POU6F2: variants seen among roughly 807,000 people sequenced by gnomAD.
POU6F2 encodes POU domain, class 6, transcription factor 2.
In POU6F2, 31 loss-of-function variants were observed where a neutral mutation model predicts 71.3. The ratio of observed to expected loss-of-function variants is 0.43; its 90% confidence interval spans 0.33 to 0.59. The LOEUF (loss-of-function observed/expected upper bound fraction) is 0.59. Among genes scored for constraint, POU6F2 ranks in the 20% least tolerant of loss-of-function variants. POU6F2 has a pLI of 0.04. For missense variants in POU6F2, 783 were observed against 856.8 expected (o/e 0.91, Z 1.07); for synonymous variants, 347 against 355.7 (o/e 0.98, Z 0.27).
intron 5 of POU6F2, among the ~76,000 whole-genome samples, chr7:39,342,483 AC>A (rs1438254754): frequency 6.6e-6 from 1 of 152,176 alleles, no homozygotes; most frequent in East Asian, 1.9e-4. Flanking sequence ...TTATTTTACA[AC>A]CCTTTATTTT....
intron 2 of POU6F2, among the ~76,000 whole-genome samples, chr7:39,179,664 G>A (rs1436067156): frequency 6.6e-6 from 1 of 152,186 alleles, no homozygotes; most frequent in African/African-American, 2.4e-5. Context: ...AGTTGCCGCC[G>A]GCTCATAGAC....
intron 4 of POU6F2, among the ~76,000 whole-genome samples, chr7:39,224,281 G>A (rs1163822739): frequency 6.6e-6 from 1 of 151,508 alleles, no homozygotes; most frequent in Non-Finnish European, 1.5e-5. Flanking sequence ...AAAGTTGTGT[G>A]TTTCCTAGGT....
chr7:39,226,857 A>G (rs910629400), intron 4 of POU6F2, among the ~76,000 whole-genome samples: 8 of 152,204 alleles, frequency 5.3e-5, no homozygotes, highest in African/African-American at 1.4e-4. Flanking sequence ...TTCAATAGTA[A>G]TGAGCTGATG....
rs532795545 is a variant in POU6F2 at position 39,072,544 on chromosome 7, G to A, written c.106-13316G>A. On this transcript the variant is annotated intron_variant, in intron 1 of 9. Transcript: ENST00000518318. ...AGGTGTCTTACTGACTTGTTAAAAT[G>A]GGTCTGATTTTCCCCTTGACAACAC... Among the ~76,000 whole-genome samples, 91 of 152,282 alleles carry A rather than the reference G, an allele frequency of 6.0e-4. No homozygotes were observed. The Middle Eastern group carries it at 0.01, about 17-fold the overall frequency.
At chr7:39,148,520 G>C (rs1027337800) in intron 2 of POU6F2, among the ~76,000 whole-genome samples, 2 of 151,608 alleles carry the variant, frequency 1.3e-5, no homozygotes, top group Non-Finnish European at 2.9e-5. Flanking sequence ...TGATGATAAT[G>C]ATGTTGATGA....
At chr7:39,287,491 T>C (rs1459602484) in intron 4 of POU6F2, among the ~76,000 whole-genome samples, 1 of 152,222 alleles carries the variant, frequency 6.6e-6, no homozygotes, top group Non-Finnish European at 1.5e-5. Context: ...GGGAAAGTCA[T>C]AGTCTACCAA....
intron 2 of POU6F2, among the ~76,000 whole-genome samples, chr7:39,194,349 G>A (rs961571814): frequency 6.6e-6 from 1 of 152,220 alleles, no homozygotes; most frequent in African/African-American, 2.4e-5. Flanking sequence ...TGGGAGAAGG[G>A]CATTAAAAAT....
At chr7:39,079,337 C>G (rs1399390699) in intron 1 of POU6F2, among the ~76,000 whole-genome samples, 1 of 151,730 alleles carries the variant, frequency 6.6e-6, no homozygotes, top group Non-Finnish European at 1.5e-5. Flanking sequence ...TACAGGCGCC[C>G]GCAACCACGC....
rs967508272 is a variant in POU6F2 at position 39,466,693 on chromosome 7, A to T, written c.*2007A>T. ...GTATAATTGTCCCCTCCAATGATTCATGCAGCAATCAAGAGACTACCAGCA... is the reference window on the plus strand; with the variant it reads ...GTATAATTGTCCCCTCCAATGATTCTTGCAGCAATCAAGAGACTACCAGCA... On this transcript the variant is annotated 3_prime_UTR_variant, in exon 10 of 10. Transcript: ENST00000518318. 1 of 152,216 alleles carries T rather than the reference A, an allele frequency of 6.6e-6. No homozygotes were observed. The highest frequency in any genetic ancestry group is 2.4e-5 in the African/African-American group (1 of 41,448). 9.4% of individuals were successfully genotyped at this position (152,216 alleles called of 1,614,324 possible). A position where few individuals can be genotyped will look rare whatever the true frequency, so the allele number is the denominator to read the frequency against.
chr7:39,048,209 T>C (rs754983851), intron 1 of POU6F2, among the ~76,000 whole-genome samples: 15 of 151,984 alleles, frequency 9.9e-5, no homozygotes, highest in Non-Finnish European at 1.9e-4. Context: ...TCTCTCTTTT[T>C]TTAAGCTTTT....
chr7:39,461,145 C>A (rs1583622669), intron 9 of POU6F2, among the ~76,000 whole-genome samples: 1 of 152,086 alleles, frequency 6.6e-6, no homozygotes, highest in African/African-American at 2.4e-5. Context: ...AGAAAACACA[C>A]ATTTTAAAAA....
chr7:39,371,177 G>A (rs1047886401), intron 5 of POU6F2, among the ~76,000 whole-genome samples: 3 of 151,800 alleles, frequency 2.0e-5, no homozygotes, highest in Middle Eastern at 3.4e-3. Context: ...CAGACTCGGA[G>A]AATGGTTTTT....
intron 4 of POU6F2, among the ~76,000 whole-genome samples, chr7:39,222,489 T>C (rs1449992531): frequency 6.6e-6 from 1 of 152,170 alleles, no homozygotes; most frequent in African/African-American, 2.4e-5. Flanking sequence ...TGTGCAATCA[T>C]CATCACCATC....
At chr7:39,098,644 G>A (rs1335523674) in intron 2 of POU6F2, among the ~76,000 whole-genome samples, 4 of 152,090 alleles carry the variant, frequency 2.6e-5, no homozygotes, top group African/African-American at 7.2e-5. Flanking sequence ...GCTTGAGTCC[G>A]GCTCTACCAC....
At chr7:39,289,340 C>T (rs573578989) in intron 4 of POU6F2, among the ~76,000 whole-genome samples, 2 of 152,224 alleles carry the variant, frequency 1.3e-5, no homozygotes, top group Non-Finnish European at 2.9e-5. Context: ...CCACCCACCA[C>T]GTGACCATTT....
At chr7:39,367,634 A>G (rs1786528558) in intron 5 of POU6F2, among the ~76,000 whole-genome samples, 1 of 152,234 alleles carries the variant, frequency 6.6e-6, no homozygotes. Context: ...TGTCACAAAC[A>G]TGATCTCATA....
intron 4 of POU6F2, among the ~76,000 whole-genome samples, chr7:39,211,176 G>A (rs528152006): frequency 4.5e-4 from 69 of 152,232 alleles, no homozygotes; most frequent in Middle Eastern, 3.4e-3. Flanking sequence ...CACCTTGGGG[G>A]TTAGGATTTC....
intron 4 of POU6F2, among the ~76,000 whole-genome samples, chr7:39,325,291 G>A (rs1036402563): frequency 6.6e-6 from 1 of 152,136 alleles, no homozygotes; most frequent in Non-Finnish European, 1.5e-5. Context: ...CTAGAATCAT[G>A]TCTTAGATTT....
At chr7:39,454,657 TATATATATATATATATATATATA>T (rs1788743889) in intron 8 of POU6F2, among the ~76,000 whole-genome samples, 3 of 258 alleles carry the variant, frequency 0.012, no homozygotes, top group African/African-American at 0.027. Context: ...AGACCAGGGA[TATATATATATATATATATATATA>T]TATATATATA....
Sources: allele counts gnomAD v4.1 joint callset (sites outside exome capture counted in the v4.1 genomes callset), GRCh38; gene constraint gnomAD v4.1.1; transcripts MANE v1.5; gene names NCBI Gene and HGNC (gene_info 2026-07-23, HGNC 2026-07-21).